C5orf58: variants seen among roughly 807,000 people sequenced by gnomAD.
C5orf58 encodes putative uncharacterized protein C5orf58.
Under a neutral mutation model 2.9 loss-of-function variants are expected in C5orf58, and 2 were observed. The observed-to-expected ratio is 0.69, with a 90% CI of 0.28 to 2.18. The LOEUF (loss-of-function observed/expected upper bound fraction) is 2.18, where lower values mean the gene tolerates loss of function less well. C5orf58 is among the 30% of genes most tolerant of loss of function. The pLI is 0.13. For missense variants in C5orf58, 96 were observed against 91.7 expected (o/e 1.05, Z -0.19); for synonymous variants, 37 against 33.4 (o/e 1.11, Z -0.37).
At chr5:170,248,579 T>C, downstream of C5orf58, 1 of 1,025,994 alleles carries the variant, frequency 9.7e-7, no homozygotes, top group South Asian at 1.4e-5. Context: ...GATAAAACCC[T>C]TGTGTTCATG....
At chr5:170,241,956 A>G (rs1266855014) in intron 3 of C5orf58, among the ~76,000 whole-genome samples, 1 of 151,310 alleles carries the variant, frequency 6.6e-6, no homozygotes, top group Non-Finnish European at 1.5e-5. Flanking sequence ...CATCCCATCA[A>G]TACCTAATTT....
rs757518343 is a variant in C5orf58, at chr5:170,235,042, A to G, written c.66A>G (p.Thr22=). ...ACAAAGTAATTAAAAATATTAACAC[A>G]ATTTCTTCGGAGTTGAAGAAGATAA... The part of the protein sequence containing the change: ...NVDKVIKNIN[T]ISSELKKIKE... Residue 22 remains threonine, a synonymous_variant, in exon 3 of 4, where the codon ACA becomes ACG. Transcript: ENST00000593851. 3.8e-5 allele frequency: 58 copies of G among 1,524,316 alleles called. 2 individuals are homozygous for G. The South Asian group carries it at 6.7e-4, about 18-fold the overall frequency. The allele number at this position is 1,524,316 out of a possible 1,614,324, so 94.4% of individuals were successfully genotyped here. A position where few individuals can be genotyped will look rare whatever the true frequency, so the allele number is the denominator to read the frequency against.
chr5:170,246,351 G>C (rs903994097), downstream of C5orf58: 88 of 307,018 alleles, frequency 2.9e-4, no homozygotes, highest in African/African-American at 1.7e-3. Context: ...GCTTATGCTT[G>C]AATTTGGCTC....
chr5:170,245,609 C>T (rs1761240873), intron 3 of C5orf58, among the ~76,000 whole-genome samples: 1 of 152,232 alleles, frequency 6.6e-6, no homozygotes, highest in Non-Finnish European at 1.5e-5. Flanking sequence ...CCAAGTGAGG[C>T]AATGCCTCGC....
At chr5:170,240,857 A>G (rs1482327988) in intron 3 of C5orf58, among the ~76,000 whole-genome samples, 3 of 151,980 alleles carry the variant, frequency 2.0e-5, no homozygotes, top group African/African-American at 4.8e-5. Context: ...GCCCATGCCT[A>G]TGTCCTGAAT....
rs865840589 is a variant in C5orf58, at chr5:170,240,057, A to C, written c.94+4987A>C. Among the ~76,000 whole-genome samples, 1,182 of 150,708 alleles carry C rather than the reference A, an allele frequency of 7.8e-3. 13 individuals are homozygous for C. The highest frequency in any genetic ancestry group is 0.027 in the African/African-American group (1,108 of 40,968). Reference sequence around the variant, plus strand: ...TTTTTGTTCTTGCGATAGTTTACTGAGAATGATGATTTCCAATTTCATCCA... The same window carrying C: ...TTTTTGTTCTTGCGATAGTTTACTGCGAATGATGATTTCCAATTTCATCCA... On this transcript the variant is annotated intron_variant, in intron 3 of 3. Transcript: ENST00000593851.
rs1390877141 is a variant in C5orf58, at chr5:170,246,081, G to A, written c.214G>A (p.Val72Ile). 6.2e-7 allele frequency: 1 copy of A among 1,612,642 alleles called. No individual in the cohort carries two copies. The highest frequency in any genetic ancestry group is 8.5e-7 in the Non-Finnish European group (1 of 1,179,228). Residue 72 changes from valine (V) to isoleucine (I), a missense_variant, in exon 4 of 4, where the codon GTA (valine) becomes ATA (isoleucine). By Grantham distance (29) the Val-to-Ile change is conservative. Coordinates refer to ENST00000593851, the MANE Select transcript of C5orf58 (RefSeq NM_001102609.3). ...PLFEESKISD[V>I]SLVSNSFSI ...CTTTGAAGAGTCTAAAATATCAGAT[G>A]TATCCCTTGTTTCTAACAGTTTTTC...
chr5:170,239,380 C>A (rs1309500700), intron 3 of C5orf58, among the ~76,000 whole-genome samples: 2 of 145,874 alleles, frequency 1.4e-5, no homozygotes. Context: ...GTGTCAGAGG[C>A]AGGTAACACT....
chr5:170,245,830 C>A, intron 3 of C5orf58, 132 bp from the exon 4 acceptor site: 1 of 837,932 alleles, frequency 1.2e-6, no homozygotes, highest in Non-Finnish European at 1.9e-6. Flanking sequence ...CAGAATGGGA[C>A]ACACTTAAGT....
intron 2 of C5orf58, chr5:170,251,432 A>C: frequency 4.7e-6 from 1 of 213,138 alleles, no homozygotes; most frequent in Admixed American, 4.9e-5. Flanking sequence ...TTTTTCTGAT[A>C]TTTGCTAAAC....
Position 170,236,642 on chromosome 5 carries a change from C to T in C5orf58, c.94+1572C>T, listed in dbSNP as rs552499168. 2.0e-4 allele frequency among the ~76,000 whole-genome samples: 30 copies of T among 152,292 alleles called. No individual in the cohort carries two copies. In the South Asian group the frequency reaches 6.0e-3, roughly 30 times the overall value. ...CTCCTTTCCCCTCTAGTCTCTTACT[C>T]TGTTCTTACTGCATGTTCTATGCTC... On this transcript the variant is annotated intron_variant, in intron 3 of 3. Coordinates refer to ENST00000593851, the MANE Select transcript of C5orf58 (RefSeq NM_001102609.3).
intron 3 of C5orf58, among the ~76,000 whole-genome samples, chr5:170,245,526 A>T (rs1561961870): frequency 6.6e-6 from 1 of 152,064 alleles, no homozygotes; most frequent in East Asian, 1.9e-4. Flanking sequence ...GGTGGGAGTG[A>T]CCCGATTTTC....
downstream of C5orf58, chr5:170,248,783 T>C: frequency 1.2e-6 from 2 of 1,612,528 alleles, no homozygotes; most frequent in Non-Finnish European, 1.7e-6. Flanking sequence ...GGCATTTTCC[T>C]GAAGTAGTCA....
intron 3 of C5orf58, among the ~76,000 whole-genome samples, chr5:170,238,485 A>G (rs144035152): frequency 2.6e-5 from 4 of 152,204 alleles, no homozygotes; most frequent in Non-Finnish European, 4.4e-5. Context: ...CCAACATCCA[A>G]CAAATAAGAG....
chr5:170,233,668 G>A, intron 1 of C5orf58: 1 of 166,814 alleles, frequency 6.0e-6, no homozygotes, highest in Non-Finnish European at 1.3e-5. Flanking sequence ...TCTGGTCTCC[G>A]CTTCCCCACT....
chr5:170,235,007 C>A lies in C5orf58; in HGVS notation c.31C>A (p.Leu11Ile), dbSNP rs1226170414. Residue 11 changes from leucine (L) to isoleucine (I), a missense_variant, in exon 3 of 4, where the codon CTA (leucine) becomes ATA (isoleucine). Leu to Ile is a conservative substitution (Grantham distance 5, BLOSUM62 2). Coordinates refer to ENST00000593851, the MANE Select transcript of C5orf58 (RefSeq NM_001102609.3). ...TAAGAAGCGTGTTACTGATCATAAGCTAAATGTGGACAAAGTAATTAAAAA... is the reference window on the plus strand; with the variant it reads ...TAAGAAGCGTGTTACTGATCATAAGATAAATGTGGACAAAGTAATTAAAAA... MGKKRVTDHKLNVDKVIKNIN... is the reference protein window; with the variant it reads MGKKRVTDHKINVDKVIKNIN... 3 of 1,547,746 alleles carry A rather than the reference C, an allele frequency of 1.9e-6. No homozygotes were observed. The highest frequency in any genetic ancestry group is 2.3e-5 in the East Asian group (1 of 43,900).
chr5:170,251,064 A>T, downstream of C5orf58: 1 of 565,304 alleles, frequency 1.8e-6, no homozygotes, highest in Non-Finnish European at 3.1e-6. Flanking sequence ...TACATATCCC[A>T]TGTGTCATGA....
chr5:170,243,591 G>A (rs1174569326), intron 3 of C5orf58, among the ~76,000 whole-genome samples: 3 of 151,370 alleles, frequency 2.0e-5, no homozygotes, highest in Non-Finnish European at 4.4e-5. Context: ...TCAGAGACTA[G>A]GATCGCAACC....
At chr5:170,239,458 A>T (rs7716359) in intron 3 of C5orf58, among the ~76,000 whole-genome samples, 2 of 150,038 alleles carry the variant, frequency 1.3e-5, no homozygotes, top group African/African-American at 4.9e-5. Context: ...CCACCCCACC[A>T]CTCCCCACAA....
Sources: gnomAD v4.1 joint callset for allele counts (sites outside exome capture counted in the v4.1 genomes callset) on GRCh38, gnomAD v4.1.1 for gene constraint, MANE v1.5 for transcripts, NCBI Gene and HGNC (gene_info 2026-07-23, HGNC 2026-07-21) for gene names.